The following LTBP1 variants were observed in gnomAD, a reference collection of about 807,000 sequenced individuals.
LTBP1 encodes latent-transforming growth factor beta-binding protein 1.
Under a neutral mutation model 207.6 loss-of-function variants are expected in LTBP1, and 129 were observed. The ratio of observed to expected loss-of-function variants is 0.62; its 90% CI spans 0.54 to 0.72. LTBP1 has a LOEUF of 0.72. Among genes scored for constraint, LTBP1 ranks in the 30% least tolerant of loss-of-function variants. LTBP1 has a pLI of 0.00. For synonymous variants in LTBP1, 963 were observed against 833.7 expected (o/e 1.16, Z -2.67); for missense variants, 2,281 against 2,217.2 (o/e 1.03, Z -0.58).
chr2:32,959,614 TATATATA>T (rs374675172), intron 2 of LTBP1, among the ~76,000 whole-genome samples: 14 of 49,214 alleles, frequency 2.8e-4, no homozygotes, highest in Admixed American at 8.8e-4. Context: ...TATATATATA[TATATATA>T]TTTTTTTTTT....
At chr2:33,397,741 T>C (rs906124918) in intron 33 of LTBP1, among the ~76,000 whole-genome samples, 3 of 150,664 alleles carry the variant, frequency 2.0e-5, no homozygotes, top group Non-Finnish European at 3.0e-5. Context: ...CCAGGATGGT[T>C]TCAATCTCCT....
chr2:33,314,329 C>T (rs554868697), intron 23 of LTBP1, among the ~76,000 whole-genome samples: 131 of 152,286 alleles, frequency 8.6e-4, no homozygotes, highest in Non-Finnish European at 1.5e-3. Flanking sequence ...ACAGGAGGAT[C>T]ACTTGAGGCC....
intron 5 of LTBP1, among the ~76,000 whole-genome samples, chr2:33,155,164 T>G (rs561153672): frequency 9.2e-5 from 14 of 152,282 alleles, no homozygotes; most frequent in Non-Finnish European, 2.1e-4. Context: ...TTATCATTAT[T>G]ATTATTATTT....
chr2:33,389,584 C>T (rs2095297876), intron 32 of LTBP1, among the ~76,000 whole-genome samples: 1 of 152,144 alleles, frequency 6.6e-6, no homozygotes, highest in Non-Finnish European at 1.5e-5. Flanking sequence ...TCAAAACAAA[C>T]AAAAAGAACC....
chr2:33,058,886 G>T (rs2077135518), intron 3 of LTBP1, among the ~76,000 whole-genome samples: 1 of 152,196 alleles, frequency 6.6e-6, no homozygotes, highest in Non-Finnish European at 1.5e-5. Context: ...ACCTGCACGT[G>T]TTGAAATGGC....
At position 33,344,723 on chromosome 2, in the gene LTBP1, G is replaced by A. The variant is rs185681380; in HGVS notation, c.3856+1760G>A. On this transcript the variant is annotated intron_variant, in intron 25 of 33. Coordinates refer to ENST00000404816, the MANE Select transcript of LTBP1 (RefSeq NM_206943.4). ...ATAATGGGTATACCACCTGCAGACCGCTTCTGCAAGGCTATGACCTCTATA... is the reference window on the plus strand; with the variant it reads ...ATAATGGGTATACCACCTGCAGACCACTTCTGCAAGGCTATGACCTCTATA... 3.7e-3 allele frequency among the ~76,000 whole-genome samples: 559 copies of A among 152,228 alleles called. 2 individuals carry two copies. Among genetic ancestry groups the A allele is most frequent in the African/African-American group, 0.013 (534 of 41,524 alleles).
chr2:33,049,678 T>C (rs1307572564), intron 3 of LTBP1, among the ~76,000 whole-genome samples: 1 of 152,214 alleles, frequency 6.6e-6, no homozygotes, highest in Admixed American at 6.5e-5. Flanking sequence ...TGAGTATGTT[T>C]TGTGATGTAC....
In LTBP1 at chr2:33,087,084, C is replaced by CTTTTTTTTTTTTTTTTTTTTTT. The variant is rs35334788; in HGVS notation, c.864-23495_864-23474dup. ...AGCACCAGGCTGTCCCTCCTTTATG[C>CTTTTTTTTTTTTTTTTTTTTTT]TTTTTTTTTTTTTTTTTTTTTTTTG... is the stretch of plus-strand genomic sequence containing the variant. On this transcript the variant is annotated intron_variant, in intron 3 of 33. Transcript: ENST00000404816. 1.8e-4 allele frequency among the ~76,000 whole-genome samples: 16 copies of CTTTTTTTTTTTTTTTTTTTTTT among 88,978 alleles called. 2 individuals are homozygous for CTTTTTTTTTTTTTTTTTTTTTT. The highest frequency in any genetic ancestry group is 2.7e-4 in the Non-Finnish European group (13 of 48,360). The allele number at this position is 88,978 out of a possible 152,430, so 58.4% of individuals were successfully genotyped here.
intron 20 of LTBP1, among the ~76,000 whole-genome samples, chr2:33,299,583 A>G (rs2148968947): frequency 6.6e-6 from 1 of 152,292 alleles, no homozygotes; most frequent in East Asian, 1.9e-4. Context: ...TGTTTTAATA[A>G]TCATAAACTC....
intron 3 of LTBP1, among the ~76,000 whole-genome samples, chr2:33,036,502 G>T (rs745431041): frequency 2.6e-5 from 4 of 151,396 alleles, no homozygotes; most frequent in Non-Finnish European, 5.9e-5. Context: ...CTGTCACCCA[G>T]GCTGGAGTGC....
chr2:33,269,312 C>T (rs933788780), intron 15 of LTBP1, among the ~76,000 whole-genome samples: 7 of 152,204 alleles, frequency 4.6e-5, no homozygotes, highest in Non-Finnish European at 1.0e-4. Context: ...CACTGGCTTT[C>T]TGTCATGGCC....
At chr2:33,275,697 A>G (rs1160339307) in intron 17 of LTBP1, 104 bp from the exon 18 acceptor site, 31 of 1,414,614 alleles carry the variant, frequency 2.2e-5, no homozygotes, top group African/African-American at 4.2e-5. Context: ...AAAAAAAAAG[A>G]AATCAGTTAC....
At chr2:33,398,329 A>G (rs751271387) in intron 33 of LTBP1, 35 bp from the exon 34 acceptor site, 5 of 1,598,306 alleles carry the variant, frequency 3.1e-6, no homozygotes, top group Non-Finnish European at 4.3e-6. Context: ...AATAATATCC[A>G]AGATTGTTTA....
At chr2:33,204,342 A>T (rs1003447436) in intron 7 of LTBP1, among the ~76,000 whole-genome samples, 2 of 152,234 alleles carry the variant, frequency 1.3e-5, no homozygotes, top group Admixed American at 1.3e-4. Flanking sequence ...AATAGCTTGG[A>T]CACGTCTGTG....
chr2:32,960,072 C>T (rs1390011408), intron 2 of LTBP1, among the ~76,000 whole-genome samples: 2 of 152,142 alleles, frequency 1.3e-5, no homozygotes, highest in Non-Finnish European at 2.9e-5. Flanking sequence ...TATCACTTCA[C>T]CTTCATAAAT....
At chr2:33,257,611 A>T in intron 12 of LTBP1, 100 bp downstream of exon 12, 1 of 978,978 alleles carries the variant, frequency 1.0e-6, no homozygotes, top group Non-Finnish European at 1.5e-6. Flanking sequence ...TCTCAGCCTA[A>T]GCACTATTGG....
chr2:33,309,685 A>G, intron 23 of LTBP1, 129 bp downstream of exon 23: 6 of 1,093,086 alleles, frequency 5.5e-6, no homozygotes, highest in Non-Finnish European at 6.5e-6. Context: ...TTTTGATATT[A>G]AAATAGCTGT....
chr2:33,201,975 T>C (rs1318733814), intron 7 of LTBP1, among the ~76,000 whole-genome samples: 1 of 149,952 alleles, frequency 6.7e-6, no homozygotes, highest in Non-Finnish European at 1.5e-5. Context: ...AGGTCTCTTT[T>C]GGCAGATATG....
intron 7 of LTBP1, among the ~76,000 whole-genome samples, chr2:33,202,126 T>C (rs2089374197): frequency 6.6e-6 from 1 of 151,658 alleles, no homozygotes; most frequent in African/African-American, 2.4e-5. Context: ...AAGAATAAGC[T>C]TAATGGAGAA....
Sources: allele counts gnomAD v4.1 joint callset (sites outside exome capture counted in the v4.1 genomes callset), GRCh38; gene constraint gnomAD v4.1.1; transcripts MANE v1.5; gene names NCBI Gene and HGNC (gene_info 2026-07-23, HGNC 2026-07-21).